MXRA8: variants seen among roughly 807,000 people sequenced by gnomAD.
MXRA8 encodes the protein matrix remodeling-associated protein 8.
In MXRA8, 44 loss-of-function variants were observed where a neutral mutation model predicts 51.4. The ratio of observed to expected loss-of-function variants is 0.86; its 90% confidence interval spans 0.67 to 1.10. The LOEUF is 1.10. MXRA8 is among the 50% of genes least tolerant of loss of function. The pLI is 0.00. For synonymous variants in MXRA8, 369 were observed against 293.5 expected, an observed-to-expected ratio of 1.26 and a Z score of -2.63; for missense variants, 765 against 638.9, an observed-to-expected ratio of 1.20 and a Z score of -2.13.
rs1048875331 is a variant in MXRA8, at chr1:1,355,490, G to A, written c.336C>T (p.Ala112=). 7.3e-6 allele frequency: 11 copies of A among 1,510,974 alleles called. No homozygotes were observed. Among genetic ancestry groups the A allele is most frequent in the Admixed American group, 2.2e-5 (1 of 46,216 alleles). 93.6% of individuals were successfully genotyped at this position (1,510,974 alleles called of 1,614,324 possible). A position where few individuals can be genotyped will look rare whatever the true frequency, so the allele number is the denominator to read the frequency against. Reference sequence around the variant, plus strand: ...AGAAGTTGCCGTCGTCGAAGGCCGAGGCCGAGAGCTCCAGGCGGCCGCGGT... The same window carrying A: ...AGAAGTTGCCGTCGTCGAAGGCCGAAGCCGAGAGCTCCAGGCGGCCGCGGT... ...ARDRGRLELS[A]SAFDDGNFSL... is the part of the protein sequence containing the mutation. Residue 112 remains alanine (A), a synonymous_variant, in exon 3 of 10, where the codon GCC becomes GCT. Transcript: ENST00000309212.
In MXRA8 at chr1:1,353,838, C is replaced by G. The variant is rs781091097; in HGVS notation, c.1303+10G>C. The stretch of plus-strand genomic sequence containing the variant: ...CTCTGAGATGGGCTGAGGTCGCCCC[C>G]GCCGCTCACCTTTGTCTAGGTCGAT... On this transcript the variant is annotated intron_variant, in intron 9 of 9. Transcript: ENST00000309212. 14 of 1,569,396 alleles carry G rather than the reference C, an allele frequency of 8.9e-6. No homozygotes were observed. Among genetic ancestry groups the G allele is most frequent in the East Asian group, 2.2e-5 (1 of 44,482 alleles).
At position 1,353,454 on chromosome 1, in the gene MXRA8, G is replaced by T; in HGVS notation, c.*150C>A. On this transcript the variant is annotated 3_prime_UTR_variant, in exon 10 of 10. Coordinates refer to ENST00000309212, the MANE Select transcript of MXRA8 (RefSeq NM_032348.4). ...ACCAAGCCCCTGGGAGAGGGGTGTG[G>T]AGGCGGCCTCTGCATACGCCCAGGC... is the stretch of plus-strand genomic sequence containing the variant. The T allele has an allele frequency of 6.6e-7, 1 of 1,504,528 alleles. No homozygotes were observed. Among genetic ancestry groups the T allele is most frequent in the Non-Finnish European group, 8.9e-7 (1 of 1,123,692 alleles). 93.2% of individuals were successfully genotyped at this position (1,504,528 alleles called of 1,614,324 possible).
chr1:1,358,570 A>T, upstream of MXRA8: 2 of 1,562,688 alleles, frequency 1.3e-6, no homozygotes, highest in South Asian at 2.4e-5. Flanking sequence ...AAACAGCCCT[A>T]CCCCCTCCCC....
At chr1:1,361,003 C>T (rs973299570), upstream of MXRA8, among the ~76,000 whole-genome samples, 3 of 151,490 alleles carry the variant, frequency 2.0e-5, no homozygotes, top group Non-Finnish European at 4.4e-5. Context: ...CATGCACACA[C>T]GCGAAGACAC....
At chr1:1,353,776 G>A (rs527845568) in intron 9 of MXRA8, 72 bp downstream of exon 9, 17 of 1,490,514 alleles carry the variant, frequency 1.1e-5, no homozygotes, top group African/African-American at 1.1e-4. Context: ...GCCTGCCATC[G>A]TTGGTCCCAG....
Position 1,353,516 on chromosome 1 carries a change from G to A in MXRA8, c.*88C>T, listed in dbSNP as rs536172303. 1,211 of 1,515,840 alleles carry A rather than the reference G, an allele frequency of 8.0e-4. 2 individuals carry two copies. Among genetic ancestry groups the A allele is most frequent in the Non-Finnish European group, 1.0e-3 (1,169 of 1,130,308 alleles). 93.9% of individuals were successfully genotyped at this position (1,515,840 alleles called of 1,614,324 possible). On this transcript the variant is annotated 3_prime_UTR_variant, in exon 10 of 10. Coordinates refer to ENST00000309212, the MANE Select transcript of MXRA8 (RefSeq NM_032348.4). Reference sequence around the variant, plus strand: ...AAAGCGGGACCAGCCGCTGGAAGGGGGGTGAGCCCCGGAGCATCAGGAGAT... The same window carrying A: ...AAAGCGGGACCAGCCGCTGGAAGGGAGGTGAGCCCCGGAGCATCAGGAGAT...
At chr1:1,353,985 GAC>G (rs779194318) in intron 8 of MXRA8, 43 bp downstream of exon 8, 4 of 1,493,696 alleles carry the variant, frequency 2.7e-6, no homozygotes, top group Non-Finnish European at 3.6e-6. Context: ...CCCAGCCCGG[GAC>G]TGGGAGCCGC....
At chr1:1,362,825 G>T (rs998121009), upstream of MXRA8, among the ~76,000 whole-genome samples, 30 of 143,816 alleles carry the variant, frequency 2.1e-4, no homozygotes, top group African/African-American at 6.5e-4. Context: ...GGCTCACATC[G>T]GTAATCCCAG....
chr1:1,361,669 C>T (rs1644224578), upstream of MXRA8: 2 of 284,744 alleles, frequency 7.0e-6, no homozygotes, highest in African/African-American at 2.2e-5. Flanking sequence ...GCCGCCGCCG[C>T]ACCTGCCACG....
intron 2 of MXRA8, among the ~76,000 whole-genome samples, chr1:1,356,024 G>A (rs1338544540): frequency 9.0e-6 from 1 of 111,130 alleles, no homozygotes; most frequent in Non-Finnish European, 1.9e-5. Flanking sequence ...GGGCTCTGAG[G>A]ACCCTGGTGG....
chr1:1,359,084 G>A (rs562533828), upstream of MXRA8: 14 of 985,456 alleles, frequency 1.4e-5, no homozygotes, highest in South Asian at 6.1e-4. Flanking sequence ...CTCCTCTGGG[G>A]GCCACGGTGG....
At chr1:1,361,249 C>T (rs1385903530), upstream of MXRA8, 8 of 703,518 alleles carry the variant, frequency 1.1e-5, no homozygotes, top group South Asian at 1.2e-4. Flanking sequence ...GACCTGTGGC[C>T]GCACAGCGGA....
chr1:1,357,046 C>G (rs35694341), intron 1 of MXRA8, among the ~76,000 whole-genome samples: 115,321 of 152,122 alleles, frequency 0.76, 48,161 homozygotes, highest in Non-Finnish European at 0.93. Flanking sequence ...TCTGTGGGTT[C>G]CCCCACGCTC....
chr1:1,352,978 C>A lies in MXRA8; in HGVS notation c.*626G>T. 1 of 483,876 alleles carries A rather than the reference C, an allele frequency of 2.1e-6. No individual in the cohort carries two copies. Among genetic ancestry groups the A allele is most frequent in the Non-Finnish European group, 3.7e-6 (1 of 271,560 alleles). 30.0% of individuals were successfully genotyped at this position (483,876 alleles called of 1,614,324 possible). ...AGAGAAAGGGCAAGGGGTGCAGCCC[C>A]AGGTGGCCCAAAGCAACACAGAGGA... On this transcript the variant is annotated 3_prime_UTR_variant, in exon 10 of 10. Coordinates refer to ENST00000309212, the MANE Select transcript of MXRA8 (RefSeq NM_032348.4).
Position 1,354,419 on chromosome 1 carries a change from G to T in MXRA8, c.1040C>A (p.Ala347Asp). The change falls in exon 6 of 10, where the codon GCC becomes GAC. Residue 347 changes from alanine to aspartate, a missense_variant. Physicochemically the swap from Ala to Asp is moderately radical, Grantham distance 126 (BLOSUM62 -2). Transcript: ENST00000309212. ...HFFQQLGYVLATLLLFILLLV... is the reference protein window; with the variant it reads ...HFFQQLGYVLDTLLLFILLLV... ...TAGCAGGATGAAGAGCAGCAGCGTG[G>T]CCAGCACGTAGCCCAGCTGCTGGAA... 1 of 1,612,452 alleles carries T rather than the reference G, an allele frequency of 6.2e-7. No homozygotes were observed. The highest frequency in any genetic ancestry group is 8.5e-7 in the Non-Finnish European group (1 of 1,179,870).
In MXRA8 at chr1:1,355,058, G is replaced by A; in HGVS notation, c.573C>T (p.His191=). 10 of 1,604,658 alleles carry A rather than the reference G, an allele frequency of 6.2e-6. No homozygotes were observed. Among genetic ancestry groups the A allele is most frequent in the African/African-American group, 1.3e-5 (1 of 74,294 alleles). Residue 191 remains histidine, a synonymous_variant, in exon 5 of 10, where the codon CAC becomes CAT. Coordinates refer to ENST00000309212, the MANE Select transcript of MXRA8 (RefSeq NM_032348.4). The part of the protein sequence containing the change: ...PALLTCVNRG[H]VWTDRHVEEA... ...CCTCCACGTGCCGGTCGGTCCACAC[G>A]TGCCCGCGGTTCACGCAGGTCAGAA...
upstream of MXRA8, among the ~76,000 whole-genome samples, chr1:1,360,971 G>T (rs1644214489): frequency 1.0e-5 from 1 of 99,604 alleles, no homozygotes; most frequent in South Asian, 3.8e-4. Flanking sequence ...GAGACACACA[G>T]AGATACACGG....
At chr1:1,359,216 C>G (rs911218162), upstream of MXRA8, 28 of 985,388 alleles carry the variant, frequency 2.8e-5, no homozygotes, top group East Asian at 2.3e-4. Flanking sequence ...GTGAGCAGAC[C>G]TCTCCCTGCT....
chr1:1,359,176 C>T, upstream of MXRA8: 3 of 985,290 alleles, frequency 3.0e-6, no homozygotes, highest in Non-Finnish European at 3.6e-6. Context: ...ACAGGGGACC[C>T]TGAGCACTGG....
Sources: allele counts gnomAD v4.1 joint callset (sites outside exome capture counted in the v4.1 genomes callset), GRCh38; gene constraint gnomAD v4.1.1; transcripts MANE v1.5; gene names NCBI Gene and HGNC (gene_info 2026-07-23, HGNC 2026-07-21).